The following CNTNAP5 variants were observed in gnomAD, a reference collection of about 807,000 sequenced individuals.
The protein encoded by CNTNAP5 is contactin-associated protein-like 5.
Under a neutral mutation model 150.2 loss-of-function variants are expected in CNTNAP5, and 72 were observed. The ratio of observed to expected loss-of-function variants is 0.48; its 90% CI spans 0.40 to 0.58. The LOEUF (loss-of-function observed/expected upper bound fraction) is 0.58, where lower values mean the gene tolerates loss of function less well. Ranked by LOEUF, CNTNAP5 falls within the 20% of genes least tolerant of loss-of-function variation. CNTNAP5 has a pLI of 0.00. For missense variants in CNTNAP5, 1,636 were observed against 1,626.2 expected (o/e 1.01, Z -0.10); for synonymous variants, 672 against 619.8 (o/e 1.08, Z -1.25).
At chr2:124,122,237 T>A (rs1395543637) in intron 1 of CNTNAP5, among the ~76,000 whole-genome samples, 1 of 152,196 alleles carries the variant, frequency 6.6e-6, no homozygotes, top group Non-Finnish European at 1.5e-5. Flanking sequence ...ATGAAATAAC[T>A]GTAACATGAT....
In CNTNAP5 at chr2:124,861,248, G is replaced by A. The variant is rs535102963; in HGVS notation, c.3218-4058G>A. 7.9e-5 allele frequency among the ~76,000 whole-genome samples: 12 copies of A among 152,032 alleles called. No individual in the cohort carries two copies. The South Asian group carries it at 1.5e-3, about 18-fold the overall frequency. On this transcript the variant is annotated intron_variant, in intron 19 of 23. Coordinates refer to ENST00000682447, the MANE Select transcript of CNTNAP5 (RefSeq NM_001367498.1). ...AGATTTTCAATTTTTTAGAAAAACA[G>A]CATTTATAATATCTGTTGTTTATTT...
At chr2:124,690,943 T>A (rs765371606) in intron 13 of CNTNAP5, among the ~76,000 whole-genome samples, 2 of 152,048 alleles carry the variant, frequency 1.3e-5, no homozygotes, top group African/African-American at 2.4e-5. Flanking sequence ...AGAAAATCAA[T>A]GACAAAAGGC....
At chr2:124,398,898 T>C (rs1455419067) in intron 3 of CNTNAP5, among the ~76,000 whole-genome samples, 1 of 152,106 alleles carries the variant, frequency 6.6e-6, no homozygotes, top group African/African-American at 2.4e-5. Flanking sequence ...ACGATGAAGA[T>C]GATGGTGATG....
intron 3 of CNTNAP5, among the ~76,000 whole-genome samples, chr2:124,320,467 G>T (rs754757026): frequency 1.3e-5 from 2 of 152,076 alleles, no homozygotes; most frequent in Non-Finnish European, 2.9e-5. Context: ...CATCTGCAAG[G>T]CCCCAAGTCC....
chr2:124,336,532 A>C (rs186812880), intron 3 of CNTNAP5, among the ~76,000 whole-genome samples: 4,329 of 62,896 alleles, frequency 0.069, 110 homozygotes, highest in East Asian at 0.2. Flanking sequence ...CCCTCCCCCC[A>C]CCCCACAACA....
rs138955019 is a variant in CNTNAP5, at chr2:124,215,054, A to G, written c.83-6651A>G. Among the ~76,000 whole-genome samples, 1,379 of 152,322 alleles carry G rather than the reference A, an allele frequency of 9.1e-3. 22 individuals carry two copies. The highest frequency in any genetic ancestry group is 0.031 in the African/African-American group (1,295 of 41,562). ...TTTGTTATTTTCTAAGTGAAATTAT[A>G]GGTAACAAGGGGAAAAATAATTGAA... On this transcript the variant is annotated intron_variant, in intron 1 of 23. Coordinates refer to ENST00000682447, the MANE Select transcript of CNTNAP5 (RefSeq NM_001367498.1).
At chr2:124,235,913 G>A (rs1686733924) in intron 2 of CNTNAP5, among the ~76,000 whole-genome samples, 1 of 151,592 alleles carries the variant, frequency 6.6e-6, no homozygotes, top group African/African-American at 2.4e-5. Context: ...CAACCCACAT[G>A]GTGCATGGTG....
At chr2:124,879,278 T>C (rs1677921310) in intron 21 of CNTNAP5, among the ~76,000 whole-genome samples, 1 of 152,064 alleles carries the variant, frequency 6.6e-6, no homozygotes, top group African/African-American at 2.4e-5. Flanking sequence ...AGACACATAT[T>C]ACATGTTCTA....
chr2:124,620,658 A>T (rs546355707), intron 12 of CNTNAP5, among the ~76,000 whole-genome samples: 1 of 151,850 alleles, frequency 6.6e-6, no homozygotes, highest in African/African-American at 2.4e-5. Context: ...TGGTTTTTTT[A>T]TCAGTAGTGT....
chr2:124,710,987 T>A (rs1397064400), intron 13 of CNTNAP5, among the ~76,000 whole-genome samples: 3 of 152,144 alleles, frequency 2.0e-5, no homozygotes, highest in Non-Finnish European at 4.4e-5. Context: ...ATCTTTCTCC[T>A]ATAAGCTGGG....
intron 11 of CNTNAP5, among the ~76,000 whole-genome samples, chr2:124,576,237 A>T (rs1173187279): frequency 6.6e-6 from 1 of 152,062 alleles, no homozygotes; most frequent in African/African-American, 2.4e-5. Flanking sequence ...CATGCAACTG[A>T]GTTTATTAGT....
intron 11 of CNTNAP5, among the ~76,000 whole-genome samples, chr2:124,581,588 A>T (rs1039584076): frequency 2.0e-5 from 3 of 152,202 alleles, no homozygotes; most frequent in Non-Finnish European, 4.4e-5. Context: ...TGAGAGTTTG[A>T]GCAAAAATTG....
chr2:124,733,069 T>C (rs1680306412), intron 13 of CNTNAP5, among the ~76,000 whole-genome samples: 1 of 152,124 alleles, frequency 6.6e-6, no homozygotes, highest in Admixed American at 6.6e-5. Context: ...ACAAAATTAT[T>C]GATTTATTGA....
chr2:124,353,189 T>C (rs1285821854), intron 3 of CNTNAP5, among the ~76,000 whole-genome samples: 2 of 151,028 alleles, frequency 1.3e-5, no homozygotes, highest in Non-Finnish European at 2.9e-5. Context: ...ACAATGAGCT[T>C]GAACGAGAAC....
intron 1 of CNTNAP5, among the ~76,000 whole-genome samples, chr2:124,107,314 C>A (rs1683190969): frequency 6.6e-6 from 1 of 152,178 alleles, no homozygotes. Flanking sequence ...CCAGAGGCAT[C>A]CAGACCACAT....
intron 8 of CNTNAP5, among the ~76,000 whole-genome samples, chr2:124,508,305 A>G (rs540891970): frequency 5.9e-5 from 9 of 152,338 alleles, no homozygotes; most frequent in South Asian, 4.1e-4. Context: ...CCAGTAATGG[A>G]GGTGAGTTAA....
At chr2:124,477,632 C>T (rs1334643073) in intron 7 of CNTNAP5, among the ~76,000 whole-genome samples, 1 of 150,360 alleles carries the variant, frequency 6.7e-6, no homozygotes, top group East Asian at 2.0e-4. Context: ...TCCTAATTAA[C>T]ATAAACACTG....
chr2:124,427,000 A>G (rs1692253729), intron 4 of CNTNAP5, among the ~76,000 whole-genome samples: 1 of 152,180 alleles, frequency 6.6e-6, no homozygotes, highest in Non-Finnish European at 1.5e-5. Flanking sequence ...AAGACTGCCA[A>G]TGTATCAGCA....
chr2:124,025,592 C>G lies in CNTNAP5; in HGVS notation c.-59C>G. ...AGAGGAGAGAGACAGCGAGAAGAAG[C>G]CGCGGCTGGCTACTGCGAATTTGGG... On this transcript the variant is annotated 5_prime_UTR_variant, in exon 1 of 24. Coordinates refer to ENST00000682447, the MANE Select transcript of CNTNAP5 (RefSeq NM_001367498.1). 1.3e-6 allele frequency: 2 copies of G among 1,503,012 alleles called. No individual in the cohort carries two copies. The highest frequency in any genetic ancestry group is 4.5e-5 in the East Asian group (2 of 44,282). 93.1% of individuals were successfully genotyped at this position (1,503,012 alleles called of 1,614,324 possible). A position where few individuals can be genotyped will look rare whatever the true frequency, so the allele number is the denominator to read the frequency against.
Sources: allele counts gnomAD v4.1 joint callset (sites outside exome capture counted in the v4.1 genomes callset), GRCh38; gene constraint gnomAD v4.1.1; transcripts MANE v1.5; gene names NCBI Gene and HGNC (gene_info 2026-07-23, HGNC 2026-07-21).